Variants in LHFPL6 observed in about 807,000 individuals in gnomAD.
LHFPL6 encodes LHFPL tetraspan subfamily member 6 protein.
A neutral mutation model predicts 20.6 loss-of-function variants in LHFPL6; 9 were observed. The ratio of observed to expected loss-of-function variants is 0.44; its 90% CI spans 0.26 to 0.76. The LOEUF is 0.76. Among genes scored for constraint, LHFPL6 ranks in the 30% least tolerant of loss-of-function variants. LHFPL6 has a pLI of 0.20. For synonymous variants in LHFPL6, 105 were observed against 98.7 expected (o/e 1.06, Z -0.38); for missense variants, 218 against 253.5 (o/e 0.86, Z 0.95).
At chr13:39,427,091 G>T (rs1871663819) in intron 2 of LHFPL6, among the ~76,000 whole-genome samples, 1 of 149,122 alleles carries the variant, frequency 6.7e-6, no homozygotes, top group Non-Finnish European at 1.5e-5. Flanking sequence ...ATATGTGCTT[G>T]TTGATAATAT....
chr13:39,442,925 TTCTCTC>T (rs371232853), intron 2 of LHFPL6, among the ~76,000 whole-genome samples: 3 of 150,046 alleles, frequency 2.0e-5, no homozygotes, highest in African/African-American at 4.9e-5. Context: ...TCTTGTCTCT[TTCTCTC>T]TCTCTCTCTC....
chr13:39,502,659 G>C (rs1025050199), intron 2 of LHFPL6, among the ~76,000 whole-genome samples: 1 of 151,988 alleles, frequency 6.6e-6, no homozygotes, highest in Non-Finnish European at 1.5e-5. Context: ...TCCAGGGTGA[G>C]GGTGAAGCTG....
chr13:39,537,304 G>C (rs1870651561), intron 2 of LHFPL6, among the ~76,000 whole-genome samples: 1 of 152,108 alleles, frequency 6.6e-6, no homozygotes, highest in African/African-American at 2.4e-5. Context: ...TAGACCTTGG[G>C]TATAAAACAC....
At chr13:39,581,563 A>G (rs1872285426) in intron 2 of LHFPL6, among the ~76,000 whole-genome samples, 1 of 149,368 alleles carries the variant, frequency 6.7e-6, no homozygotes, top group Non-Finnish European at 1.5e-5. Flanking sequence ...AGAAGAAGAA[A>G]TTAAAATATT....
At chr13:39,366,463 G>A (rs547431014) in intron 3 of LHFPL6, among the ~76,000 whole-genome samples, 40 of 152,196 alleles carry the variant, frequency 2.6e-4, no homozygotes, top group Non-Finnish European at 4.3e-4. Context: ...TATCCAGTCC[G>A]GAATATGCAC....
At chr13:39,498,907 C>T (rs1869186180) in intron 2 of LHFPL6, among the ~76,000 whole-genome samples, 1 of 152,092 alleles carries the variant, frequency 6.6e-6, no homozygotes, top group African/African-American at 2.4e-5. Flanking sequence ...GCCATCCAGG[C>T]TGGAGTGCAG....
intron 2 of LHFPL6, among the ~76,000 whole-genome samples, chr13:39,453,670 C>T (rs183336668): frequency 3.9e-5 from 6 of 152,286 alleles, no homozygotes; most frequent in Admixed American, 3.9e-4. Context: ...TTTCTACTTC[C>T]ACCTCATGAC....
At chr13:39,556,538 G>A (rs944422441) in intron 2 of LHFPL6, among the ~76,000 whole-genome samples, 1 of 152,222 alleles carries the variant, frequency 6.6e-6, no homozygotes, top group African/African-American at 2.4e-5. Flanking sequence ...ACTTCAGAGT[G>A]ATGACCTAGG....
chr13:39,375,223 A>G (rs1204262534), intron 3 of LHFPL6, among the ~76,000 whole-genome samples: 1 of 152,240 alleles, frequency 6.6e-6, no homozygotes, highest in Non-Finnish European at 1.5e-5. Context: ...TGCTGGAGCC[A>G]TCTTAACCAA....
chr13:39,551,658 C>A (rs1471218339), intron 2 of LHFPL6, among the ~76,000 whole-genome samples: 2 of 152,308 alleles, frequency 1.3e-5, no homozygotes, highest in African/African-American at 4.8e-5. Flanking sequence ...ATTGGGAATG[C>A]ATTGAATCTA....
intron 2 of LHFPL6, among the ~76,000 whole-genome samples, chr13:39,439,066 A>G (rs1049123064): frequency 1.3e-5 from 2 of 152,238 alleles, no homozygotes; most frequent in African/African-American, 4.8e-5. Context: ...AACAGCTTGC[A>G]CCATGTGCCT....
At chr13:39,350,454 T>C (rs1452701572) in intron 3 of LHFPL6, among the ~76,000 whole-genome samples, 1 of 152,222 alleles carries the variant, frequency 6.6e-6, no homozygotes, top group African/African-American at 2.4e-5. Context: ...AGAAAAAAAG[T>C]GTTTCTGCAT....
intron 2 of LHFPL6, among the ~76,000 whole-genome samples, chr13:39,475,844 C>G (rs1018149798): frequency 2.0e-5 from 3 of 152,102 alleles, no homozygotes; most frequent in Admixed American, 6.5e-5. Flanking sequence ...CCCTCCCCAC[C>G]GTAGAGAAAG....
intron 3 of LHFPL6, among the ~76,000 whole-genome samples, chr13:39,364,387 C>T (rs566286809): frequency 6.6e-6 from 1 of 152,264 alleles, no homozygotes; most frequent in South Asian, 2.1e-4. Flanking sequence ...GTCCTTCCTC[C>T]TAAATTCCAC....
At chr13:39,559,709 G>T (rs1871412931) in intron 2 of LHFPL6, among the ~76,000 whole-genome samples, 1 of 152,206 alleles carries the variant, frequency 6.6e-6, no homozygotes, top group African/African-American at 2.4e-5. Context: ...TATATTAAAT[G>T]TGAGGAGTGC....
intron 2 of LHFPL6, among the ~76,000 whole-genome samples, chr13:39,572,366 C>T (rs1458401730): frequency 6.8e-6 from 1 of 147,912 alleles, no homozygotes; most frequent in Non-Finnish European, 1.5e-5. Flanking sequence ...AGACCTCTTT[C>T]CAGAAACATA....
rs1872059887 is a variant in LHFPL6, at chr13:39,574,839, A to AG, written c.385+25992dup. Among the ~76,000 whole-genome samples the AG allele has an allele frequency of 2.6e-5, 4 of 152,288 alleles. No individual in the cohort carries two copies. The South Asian group carries it at 8.3e-4, about 32-fold the overall frequency. On this transcript the variant is annotated intron_variant, in intron 2 of 3. Transcript: ENST00000379589. The stretch of plus-strand genomic sequence containing the variant: ...ATAATCTTAGCACTTTGGGAGGCCG[A>AG]GATGGGTGGATTACCCGAGGTCAGG...
At chr13:39,542,719 T>TC (rs1870849808) in intron 2 of LHFPL6, among the ~76,000 whole-genome samples, 1 of 152,336 alleles carries the variant, frequency 6.6e-6, no homozygotes, top group Non-Finnish European at 1.5e-5. Flanking sequence ...ATCAACTTTC[T>TC]CTTCAGTTCC....
At chr13:39,378,349 C>G in intron 3 of LHFPL6, 79 bp downstream of exon 3, 1 of 1,182,020 alleles carries the variant, frequency 8.5e-7, no homozygotes, top group South Asian at 1.3e-5. Context: ...TTATCTGTCC[C>G]CTTTCCACTT....
Sources: gnomAD v4.1 joint callset for allele counts (sites outside exome capture counted in the v4.1 genomes callset) on GRCh38, gnomAD v4.1.1 for gene constraint, MANE v1.5 for transcripts, NCBI Gene and HGNC (gene_info 2026-07-23, HGNC 2026-07-21) for gene names.